Variants in SETDB2 observed in about 807,000 individuals in gnomAD.
SETDB2 encodes SET domain bifurcated histone lysine methyltransferase 2.
In SETDB2, 56 loss-of-function variants were observed where a neutral mutation model predicts 82.5. The ratio of observed to expected loss-of-function variants is 0.68; its 90% CI spans 0.55 to 0.85. SETDB2 has a LOEUF of 0.85. SETDB2 is among the 40% of genes least tolerant of loss of function. SETDB2 has a pLI of 0.00. For synonymous variants in SETDB2, 272 were observed against 284.9 expected (o/e 0.95, Z 0.46); for missense variants, 677 against 816.4 (o/e 0.83, Z 2.08).
intron 12 of SETDB2, chr13:49,488,984 G>C (rs940376851): frequency 5.9e-6 from 1 of 168,272 alleles, no homozygotes; most frequent in African/African-American, 2.4e-5. Flanking sequence ...TCACTTACCT[G>C]AGTTGAAAAA....
At chr13:49,483,600 C>G (rs374266519) in intron 10 of SETDB2, 37 bp downstream of exon 10, 5 of 300,272 alleles carry the variant, frequency 1.7e-5, no homozygotes, top group Middle Eastern at 7.6e-4. Flanking sequence ...CCCTTCTTTT[C>G]TTTTTTAAAT....
intron 2 of SETDB2, among the ~76,000 whole-genome samples, chr13:49,457,777 T>C (rs1957918815): frequency 6.6e-6 from 1 of 152,210 alleles, no homozygotes; most frequent in East Asian, 1.9e-4. Context: ...GTCTTGATTG[T>C]TGTCTTTCAG....
chr13:49,460,108 C>T lies in SETDB2; in HGVS notation c.18C>T (p.Gly6=), dbSNP rs770637591. 19 of 1,607,680 alleles carry T rather than the reference C, an allele frequency of 1.2e-5. No individual in the cohort carries two copies. Among genetic ancestry groups the T allele is most frequent in the Admixed American group, 3.4e-5 (2 of 58,702 alleles). ...GCTAGTCACTTATTTTTATTTTAGG[C>T]GATGCAAAAACTTTCTGGATGGAGC... The part of the protein sequence containing the change: MGEKN[G]DAKTFWMELE... The change falls in exon 3 of 14, where the codon GGC becomes GGT. Residue 6 remains glycine, a splice_region_variant and synonymous_variant. Transcript: ENST00000611815.
intron 12 of SETDB2, among the ~76,000 whole-genome samples, chr13:49,490,279 C>CAAAAAAAAAAAAAAAA (rs60013535): frequency 4.8e-5 from 4 of 83,180 alleles, no homozygotes; most frequent in African/African-American, 1.8e-4. Flanking sequence ...GACTCCGTCT[C>CAAAAAAAAAAAAAAAA]AAAAAAAAAA....
intron 2 of SETDB2, among the ~76,000 whole-genome samples, chr13:49,456,901 C>T (rs1286593932): frequency 6.6e-6 from 1 of 152,068 alleles, no homozygotes; most frequent in Non-Finnish European, 1.5e-5. Context: ...AGAAGGAAGA[C>T]ATGAGGAACA....
chr13:49,475,729 CCTT>C (rs1184374309), intron 5 of SETDB2, among the ~76,000 whole-genome samples: 1 of 152,024 alleles, frequency 6.6e-6, no homozygotes, highest in Non-Finnish European at 1.5e-5. Context: ...CTCAAGCAGT[CCTT>C]CCGTCTTGGC....
intron 12 of SETDB2, among the ~76,000 whole-genome samples, chr13:49,489,860 T>G (rs1958671814): frequency 6.9e-6 from 1 of 144,590 alleles, no homozygotes; most frequent in Non-Finnish European, 1.5e-5. Context: ...CCTCCCAAAG[T>G]GCTGGGATTA....
In SETDB2 at chr13:49,487,338, C is replaced by CT. The variant is rs201035690; in HGVS notation, c.1577-942dup. 3.3e-3 allele frequency among the ~76,000 whole-genome samples: 486 copies of CT among 148,428 alleles called. 2 individuals carry two copies. Among genetic ancestry groups the CT allele is most frequent in the African/African-American group, 0.011 (449 of 40,504 alleles). ...CATCTGACATGCATTCATATCTTTT[C>CT]TTTTTTTTTTAAAGAGAGACAGCGA... On this transcript the variant is annotated intron_variant, in intron 11 of 13. Coordinates refer to ENST00000611815, the MANE Select transcript of SETDB2 (RefSeq NM_001160308.3).
chr13:49,455,369 A>G (rs1486187706), intron 2 of SETDB2, among the ~76,000 whole-genome samples: 2 of 152,184 alleles, frequency 1.3e-5, no homozygotes, highest in Non-Finnish European at 2.9e-5. Context: ...TATTTTTACA[A>G]TGTTACATTA....
chr13:49,488,766 T>G, intron 12 of SETDB2, 136 bp downstream of exon 12: 1 of 671,324 alleles, frequency 1.5e-6, no homozygotes, highest in Non-Finnish European at 2.4e-6. Flanking sequence ...TTGTATACAG[T>G]TGGATGTTTT....
intron 5 of SETDB2, among the ~76,000 whole-genome samples, chr13:49,474,744 C>T (rs1958321304): frequency 6.6e-6 from 1 of 152,184 alleles, no homozygotes; most frequent in African/African-American, 2.4e-5. Flanking sequence ...GATTACTATA[C>T]AGTCGGAGAA....
Position 49,491,778 on chromosome 13 carries a change from G to A in SETDB2, c.2053G>A (p.Ala685Thr). 3 of 1,613,270 alleles carry A rather than the reference G, an allele frequency of 1.9e-6. No homozygotes were observed. Among genetic ancestry groups the A allele is most frequent in the Non-Finnish European group, 2.5e-6 (3 of 1,179,836 alleles). The change falls in exon 14 of 14, where the codon GCT becomes ACT. Residue 685 changes from alanine (A) to threonine (T), a missense_variant. Physicochemically the swap from Ala to Thr is moderately conservative, Grantham distance 58. Around this residue, in one of 3 missense-constraint regions of SETDB2, gnomAD observed 420 missense variants for 554.6 expected, o/e 0.76. Coordinates refer to ENST00000611815, the MANE Select transcript of SETDB2 (RefSeq NM_001160308.3). Reference protein sequence around the residue: ...TELTWDYGYEAGTVPEKEIFC... With the variant: ...TELTWDYGYETGTVPEKEIFC... Reference sequence around the variant, plus strand: ...GCTAACATGGGATTATGGCTATGAAGCTGGGACTGTGCCTGAGAAGGAAAT... The same window carrying A: ...GCTAACATGGGATTATGGCTATGAAACTGGGACTGTGCCTGAGAAGGAAAT...
At chr13:49,473,096 A>G (rs755957705) in intron 5 of SETDB2, among the ~76,000 whole-genome samples, 1 of 152,184 alleles carries the variant, frequency 6.6e-6, no homozygotes, top group Non-Finnish European at 1.5e-5. Flanking sequence ...ACTACTATTC[A>G]AATATTAGTA....
At chr13:49,488,816 A>G (rs1024901059) in intron 12 of SETDB2, among the ~76,000 whole-genome samples, 186 bp downstream of exon 12, 1 of 152,246 alleles carries the variant, frequency 6.6e-6, no homozygotes. Context: ...TCTGTAATAC[A>G]GGGATAAATG....
chr13:49,463,158 G>A (rs986798593), intron 4 of SETDB2, among the ~76,000 whole-genome samples: 1 of 126,026 alleles, frequency 7.9e-6, no homozygotes, highest in African/African-American at 3.3e-5. Context: ...GGCGCATGCC[G>A]CCACACCCGG....
chr13:49,478,215 G>A (rs1958409049), intron 6 of SETDB2, among the ~76,000 whole-genome samples: 1 of 152,156 alleles, frequency 6.6e-6, no homozygotes, highest in Non-Finnish European at 1.5e-5. Context: ...CTCTCACTGT[G>A]CTGTTTTATT....
At chr13:49,480,923 CT>C in intron 7 of SETDB2, 23 bp from the exon 8 acceptor site, 1 of 1,612,382 alleles carries the variant, frequency 6.2e-7, no homozygotes, top group Non-Finnish European at 8.5e-7. Flanking sequence ...GTCTGATTTT[CT>C]CTTTTGCATA....
intron 5 of SETDB2, among the ~76,000 whole-genome samples, chr13:49,475,139 A>T (rs1181461169): frequency 6.6e-6 from 1 of 152,226 alleles, no homozygotes; most frequent in Non-Finnish European, 1.5e-5. Flanking sequence ...AGCAAGTCAC[A>T]TCTTACATAG....
chr13:49,481,158 C>A (rs1370466412), intron 8 of SETDB2, 42 bp downstream of exon 8: 2 of 1,571,792 alleles, frequency 1.3e-6, no homozygotes, highest in Admixed American at 3.5e-5. Context: ...AGAGTAGAAT[C>A]CACTTTTCTA....
Sources: gnomAD v4.1 joint callset for allele counts (sites outside exome capture counted in the v4.1 genomes callset) on GRCh38, gnomAD v4.1.1 for gene constraint, gnomAD v4.1.1 regional missense constraint, MANE v1.5 for transcripts, NCBI Gene and HGNC (gene_info 2026-07-23, HGNC 2026-07-21) for gene names.